Variants in C10orf90 observed in about 807,000 individuals in gnomAD.
The protein encoded by C10orf90 is chromosome 10 open reading frame 90, also known as (E2-independent) E3 ubiquitin-conjugating enzyme FATS.
A neutral mutation model predicts 62.5 loss-of-function variants in C10orf90; 56 were observed. The ratio of observed to expected loss-of-function variants is 0.90; its 90% CI spans 0.72 to 1.12. The LOEUF is 1.12. Among genes scored for constraint, C10orf90 ranks in the 50% most tolerant of loss-of-function variants. The probability of loss-of-function intolerance (pLI) is 0.00; values close to 1 mark genes in which losing one functional copy is unlikely to be tolerated. For missense variants in C10orf90, 970 were observed against 880.4 expected (o/e 1.10, Z -1.29); for synonymous variants, 386 against 340.4 (o/e 1.13, Z -1.47).
intron 4 of C10orf90, among the ~76,000 whole-genome samples, chr10:126,501,462 C>G (rs1397092747): frequency 6.6e-6 from 1 of 152,194 alleles, no homozygotes; most frequent in African/African-American, 2.4e-5. Flanking sequence ...CACCCCAGGG[C>G]TCTGTGGCTT....
chr10:126,431,230 GCTT>G (rs1857552142), intron 7 of C10orf90, among the ~76,000 whole-genome samples: 2 of 152,214 alleles, frequency 1.3e-5, no homozygotes, highest in South Asian at 4.1e-4. Flanking sequence ...GCCTTTGAAT[GCTT>G]CTTTTTAGCA....
intron 5 of C10orf90, 86 bp downstream of exon 5, chr10:126,464,610 G>A: frequency 7.4e-7 from 1 of 1,352,542 alleles, no homozygotes; most frequent in South Asian, 1.4e-5. Context: ...AACGGTGACA[G>A]TATGCACGAG....
Position 126,472,185 on chromosome 10 carries a change from A to G in C10orf90, c.1535-7199T>C, listed in dbSNP as rs1860617355. ...TAAAACTTACTGCTAAAGTTTCCCA[A>G]AGTGACCCTTTGAAGTAATAATTAT... On this transcript the variant is annotated intron_variant, in intron 4 of 9. Transcript: ENST00000488181. 3.3e-5 allele frequency among the ~76,000 whole-genome samples: 5 copies of G among 152,330 alleles called. No homozygotes were observed. The South Asian group carries it at 1.0e-3, about 32-fold the overall frequency.
chr10:126,571,093 G>C (rs1186499290), intron 2 of C10orf90, among the ~76,000 whole-genome samples: 2 of 152,190 alleles, frequency 1.3e-5, no homozygotes, highest in Non-Finnish European at 2.9e-5. Context: ...TGTTAGGTTT[G>C]GCACCAGTTC....
At chr10:126,629,262 C>T (rs1845806472) in intron 2 of C10orf90, among the ~76,000 whole-genome samples, 1 of 152,202 alleles carries the variant, frequency 6.6e-6, no homozygotes, top group South Asian at 2.1e-4. Context: ...TTCTTAGATG[C>T]TAATTCCATC....
chr10:126,514,567 C>T (rs1462799365), intron 2 of C10orf90, among the ~76,000 whole-genome samples: 1 of 152,206 alleles, frequency 6.6e-6, no homozygotes, highest in Admixed American at 6.5e-5. Flanking sequence ...GATTCTAGTG[C>T]TGGATGCCCC....
chr10:126,553,632 T>G (rs559194530), intron 2 of C10orf90, among the ~76,000 whole-genome samples: 74 of 152,324 alleles, frequency 4.9e-4, no homozygotes, highest in Non-Finnish European at 4.3e-4. Flanking sequence ...GCCTGTAGTA[T>G]TCAATACAGT....
At position 126,504,160 on chromosome 10, in the gene C10orf90, G is replaced by C. The variant is rs755394968; in HGVS notation, c.1331C>G (p.Thr444Ser). The C allele has an allele frequency of 1.1e-5, 17 of 1,614,150 alleles. No individual in the cohort carries two copies. Among genetic ancestry groups the C allele is most frequent in the Non-Finnish European group, 1.4e-5 (16 of 1,180,026 alleles). Residue 444 changes from threonine (T) to serine (S), a missense_variant, in exon 4 of 10, where the codon ACC (threonine) becomes AGC (serine). Physicochemically the swap from Thr to Ser is moderately conservative, Grantham distance 58. Coordinates refer to ENST00000488181, the MANE Select transcript of C10orf90 (RefSeq NM_001350921.2). The surrounding 1 kb of genome is among the most constrained non-coding windows in gnomAD (Gnocchi z 4.1). ...PGLQESHLKE[T>S]PSLRRVHLGT... ...CAAATGCACCCGCCTCAACGATGGG[G>C]TTTCCTTCAAGTGACTTTCTTGTAA...
chr10:126,653,610 A>G (rs1299653139), intron 1 of C10orf90, among the ~76,000 whole-genome samples: 1 of 152,128 alleles, frequency 6.6e-6, no homozygotes, highest in Non-Finnish European at 1.5e-5. Flanking sequence ...AACCCCTCAA[A>G]GTCATCCATG....
intron 2 of C10orf90, among the ~76,000 whole-genome samples, chr10:126,577,082 C>T (rs1446454651): frequency 6.6e-6 from 1 of 151,626 alleles, no homozygotes; most frequent in African/African-American, 2.4e-5. Context: ...TGTTCTATAG[C>T]ACAATAGGAT....
chr10:126,646,736 G>A, intron 1 of C10orf90, 99 bp from the exon 2 acceptor site: 1 of 277,596 alleles, frequency 3.6e-6, no homozygotes, highest in Non-Finnish European at 7.1e-6. Flanking sequence ...GGAACATCCT[G>A]GAATTTCTCA....
At chr10:126,478,696 G>A (rs759414655) in intron 4 of C10orf90, among the ~76,000 whole-genome samples, 1 of 152,148 alleles carries the variant, frequency 6.6e-6, no homozygotes, top group Admixed American at 6.5e-5. Flanking sequence ...CTCGGAGGGT[G>A]AGCTAAGGGC....
intron 8 of C10orf90, 21 bp downstream of exon 8, chr10:126,429,766 C>T (rs369692979): frequency 5.6e-6 from 9 of 1,612,184 alleles, no homozygotes; most frequent in South Asian, 3.3e-5. Context: ...CTTCTTTGCA[C>T]ACCATACAAT....
At chr10:126,648,231 T>A (rs1349998325) in intron 1 of C10orf90, among the ~76,000 whole-genome samples, 1 of 152,058 alleles carries the variant, frequency 6.6e-6, no homozygotes, top group Admixed American at 6.6e-5. Context: ...CAGATTGTAG[T>A]AAGGATGTAC....
chr10:126,477,081 T>C (rs1217746165), intron 4 of C10orf90, among the ~76,000 whole-genome samples: 1 of 15,546 alleles, frequency 6.4e-5, no homozygotes, highest in African/African-American at 7.3e-4. Flanking sequence ...GGCTAATTTT[T>C]TTTTTTTTTT....
intron 1 of C10orf90, among the ~76,000 whole-genome samples, chr10:126,659,150 A>G (rs899618899): frequency 5.9e-5 from 9 of 152,202 alleles, no homozygotes; most frequent in African/African-American, 2.2e-4. Context: ...CTGCATATCC[A>G]ATAGCCAAGT....
At chr10:126,567,304 C>A (rs76247441) in intron 2 of C10orf90, among the ~76,000 whole-genome samples, 1 of 152,022 alleles carries the variant, frequency 6.6e-6, no homozygotes, top group Non-Finnish European at 1.5e-5. Flanking sequence ...TTGGCTGGAG[C>A]AGGAGGAAAA....
At chr10:126,462,507 C>T (rs1860051963) in intron 5 of C10orf90, among the ~76,000 whole-genome samples, 1 of 152,188 alleles carries the variant, frequency 6.6e-6, no homozygotes, top group South Asian at 2.1e-4. Context: ...GCCTCTGCTA[C>T]GTCACTGCAG....
rs1190001790 is a variant in C10orf90 at position 126,453,038 on chromosome 10, A to G, written c.2188+6002T>C. On this transcript the variant is annotated intron_variant, in intron 7 of 9. Coordinates refer to ENST00000488181, the MANE Select transcript of C10orf90 (RefSeq NM_001350921.2). The surrounding 1 kb of genome is among the most constrained non-coding windows in gnomAD (Gnocchi z 4.9). ...CTCTGTCTCCTGTCTCCTGGGTCGC[A>G]TCTTCAGCTAGATGCTCTGGGAATC... 6.6e-6 allele frequency among the ~76,000 whole-genome samples: 1 copy of G among 152,198 alleles called. No homozygotes were observed. The highest frequency in any genetic ancestry group is 1.5e-5 in the Non-Finnish European group (1 of 68,034).
Sources: allele counts gnomAD v4.1 joint callset (sites outside exome capture counted in the v4.1 genomes callset), GRCh38; gene constraint gnomAD v4.1.1; non-coding constraint Gnocchi (gnomAD v3.1); transcripts MANE v1.5; gene names NCBI Gene and HGNC (gene_info 2026-07-23, HGNC 2026-07-21).